Variants in MIB1 observed in about 807,000 individuals in gnomAD.
The protein encoded by MIB1 is MIB E3 ubiquitin protein ligase 1.
A neutral mutation model predicts 124.5 loss-of-function variants in MIB1; 278 were observed. The ratio of observed to expected loss-of-function variants is 2.23; its 90% CI spans 2.02 to 2.47. The LOEUF (loss-of-function observed/expected upper bound fraction) is 2.47. Ranked by LOEUF, MIB1 falls within the 30% of genes most tolerant of loss-of-function variation. The pLI is 0.00. For synonymous variants in MIB1, 446 were observed against 429.4 expected (o/e 1.04, Z -0.48); for missense variants, 957 against 1,254.4 (o/e 0.76, Z 3.58).
intron 11 of MIB1, among the ~76,000 whole-genome samples, 184 bp from the exon 12 acceptor site, chr18:21,819,311 T>C (rs1020714835): frequency 1.3e-5 from 2 of 152,252 alleles, no homozygotes; most frequent in Admixed American, 1.3e-4. Flanking sequence ...AGTGCTAGGG[T>C]TACAGACATG....
Position 21,741,398 on chromosome 18 carries a change from G to T in MIB1, c.-186G>T. On this transcript the variant is annotated 5_prime_UTR_variant, in exon 1 of 21. Coordinates refer to ENST00000261537, the MANE Select transcript of MIB1 (RefSeq NM_020774.4). The surrounding 1 kb of genome is among the most constrained non-coding windows in gnomAD (Gnocchi z 5.4). The stretch of plus-strand genomic sequence containing the variant: ...GCGGGGGGCGCGGCGGCGACAGCTG[G>T]GCAGCGGCTTTGGGCTCCGCGGGGA... The T allele has an allele frequency of 4.0e-6, 1 of 249,634 alleles. No individual in the cohort carries two copies. Among genetic ancestry groups the T allele is most frequent in the Non-Finnish European group, 7.4e-6 (1 of 135,926 alleles). 15.5% of individuals were successfully genotyped at this position (249,634 alleles called of 1,614,324 possible).
intron 3 of MIB1, among the ~76,000 whole-genome samples, chr18:21,772,707 C>T (rs140783056): frequency 2.0e-5 from 3 of 152,004 alleles, no homozygotes; most frequent in Non-Finnish European, 4.4e-5. Context: ...CCAGTGAATT[C>T]AAGAATCAGA....
intron 6 of MIB1, among the ~76,000 whole-genome samples, chr18:21,784,038 C>T (rs902469566): frequency 1.3e-5 from 2 of 151,078 alleles, no homozygotes; most frequent in African/African-American, 4.9e-5. Flanking sequence ...CCACTGCACC[C>T]AGCCTGTGTT....
intron 9 of MIB1, among the ~76,000 whole-genome samples, chr18:21,800,547 A>G (rs532823933): frequency 6.6e-6 from 1 of 152,124 alleles, no homozygotes; most frequent in Non-Finnish European, 1.5e-5. Context: ...GGCAGTTTTG[A>G]TTCTAGTCAT....
At chr18:21,710,827 A>ATTT (rs34702356) in intron 1 of MIB1, among the ~76,000 whole-genome samples, 76 of 117,008 alleles carry the variant, frequency 6.5e-4, no homozygotes, top group African/African-American at 9.8e-4. Context: ...TAATTGACTG[A>ATTT]TTTTTTTTTT....
chr18:21,870,234 T>G lies in MIB1; in HGVS notation c.*5568T>G, dbSNP rs1036666771. On this transcript the variant is annotated 3_prime_UTR_variant, in exon 21 of 21. Transcript: ENST00000261537. ...TATAGTAGTATACATGAATTTTGAT[T>G]TTTAAAGCATTTAAAAACAAATCTC... The G allele has an allele frequency of 6.6e-6, 1 of 152,520 alleles. No homozygotes were observed. Among genetic ancestry groups the G allele is most frequent in the Non-Finnish European group, 1.5e-5 (1 of 67,984 alleles). The allele number at this position is 152,520 out of a possible 1,614,324, so 9.4% of individuals were successfully genotyped here. A position where few individuals can be genotyped will look rare whatever the true frequency, so the allele number is the denominator to read the frequency against.
chr18:21,844,215 G>A lies in MIB1; in HGVS notation c.2173G>A (p.Gly725Arg). ...TCAGCTCCAAGATATGCAAGATGTG[G>A]GGAAGGTGGATGCTGCCTGGGAGCC... ...LRQLQDMQDVGKVDAAWEPSK... is the reference protein window; with the variant it reads ...LRQLQDMQDVRKVDAAWEPSK... Residue 725 changes from glycine to arginine, a missense_variant, in exon 15 of 21, where the codon GGG (glycine) becomes AGG (arginine). By Grantham distance (125) the Gly-to-Arg change is moderately radical (BLOSUM62 -2). Transcript: ENST00000261537. The A allele has an allele frequency of 6.2e-7, 1 of 1,614,142 alleles. No individual in the cohort carries two copies. Among genetic ancestry groups the A allele is most frequent in the Non-Finnish European group, 8.5e-7 (1 of 1,180,024 alleles).
intron 12 of MIB1, among the ~76,000 whole-genome samples, chr18:21,837,026 GTTTGTAGACTCACCCAAAAT>G (rs1342960132): frequency 6.6e-6 from 1 of 152,168 alleles, no homozygotes; most frequent in Non-Finnish European, 1.5e-5. Flanking sequence ...GGATTTAGGA[GTTTGTAGACTCACCCAAAAT>G]TGTATTAATA....
intron 17 of MIB1, among the ~76,000 whole-genome samples, chr18:21,850,563 T>C (rs775754769): frequency 1.3e-5 from 2 of 152,296 alleles, no homozygotes; most frequent in South Asian, 4.1e-4. Flanking sequence ...AATTAATGTA[T>C]CTTTCGTAGA....
At chr18:21,730,968 C>G (rs984871701) in intron 1 of MIB1, among the ~76,000 whole-genome samples, 9 of 152,144 alleles carry the variant, frequency 5.9e-5, no homozygotes, top group Non-Finnish European at 7.4e-5. Context: ...AATGGGCTTT[C>G]ATGTATGTGG....
intron 1 of MIB1, among the ~76,000 whole-genome samples, chr18:21,711,242 A>G (rs1287896076): frequency 1.3e-5 from 2 of 152,164 alleles, no homozygotes; most frequent in Non-Finnish European, 2.9e-5. Context: ...TTTCTAAGAA[A>G]GAAAGATTTT....
intron 12 of MIB1, among the ~76,000 whole-genome samples, chr18:21,829,890 A>G (rs2041962899): frequency 6.6e-6 from 1 of 152,174 alleles, no homozygotes; most frequent in Non-Finnish European, 1.5e-5. Flanking sequence ...TATCACTTCA[A>G]AGAACTGAAA....
At chr18:21,744,470 C>T (rs1024008570) in intron 1 of MIB1, among the ~76,000 whole-genome samples, 7 of 152,082 alleles carry the variant, frequency 4.6e-5, no homozygotes, top group African/African-American at 1.7e-4. Context: ...ACTGTATTAA[C>T]TAATCTATAC....
At chr18:21,714,284 A>G (rs2040678938) in intron 1 of MIB1, among the ~76,000 whole-genome samples, 1 of 152,064 alleles carries the variant, frequency 6.6e-6, no homozygotes. Flanking sequence ...TGGGAGTTTC[A>G]TTGCAAATGT....
chr18:21,817,102 C>T (rs2041836426), intron 11 of MIB1, among the ~76,000 whole-genome samples: 1 of 147,192 alleles, frequency 6.8e-6, no homozygotes, highest in Admixed American at 6.8e-5. Context: ...CCGCCAGATA[C>T]AGGAGTAGAA....
At chr18:21,746,157 T>A (rs1470620842) in intron 1 of MIB1, among the ~76,000 whole-genome samples, 1 of 152,212 alleles carries the variant, frequency 6.6e-6, no homozygotes, top group East Asian at 1.9e-4. Flanking sequence ...TATTGCAGTA[T>A]GATTGGGAAT....
chr18:21,819,566 G>A lies in MIB1; in HGVS notation c.1749G>A (p.Leu583=), dbSNP rs756060718. 1 of 1,611,564 alleles carries A rather than the reference G, an allele frequency of 6.2e-7. No individual in the cohort carries two copies. Among genetic ancestry groups the A allele is most frequent in the Non-Finnish European group, 8.5e-7 (1 of 1,178,080 alleles). ...GTGATGATATCCTAGCAGTTCTTTT[G>A]GAAGCTGGAGCAGATGTTACCATCA... ...KKRDDILAVL[L]EAGADVTITN... The change falls in exon 12 of 21, where the codon TTG becomes TTA. Residue 583 remains leucine, a synonymous_variant. Coordinates refer to ENST00000261537, the MANE Select transcript of MIB1 (RefSeq NM_020774.4).
chr18:21,744,193 T>G, intron 1 of MIB1, among the ~76,000 whole-genome samples: 1 of 151,672 alleles, frequency 6.6e-6, no homozygotes, highest in African/African-American at 2.4e-5. Context: ...AGTGTTTTCC[T>G]TTTTCTTCAA....
At chr18:21,775,196 C>T (rs1476315152) in intron 4 of MIB1, among the ~76,000 whole-genome samples, 2 of 151,998 alleles carry the variant, frequency 1.3e-5, no homozygotes, top group African/African-American at 2.4e-5. Context: ...CCACCTGCCT[C>T]GGCCTCCCAA....
Sources: gnomAD v4.1 joint callset for allele counts (sites outside exome capture counted in the v4.1 genomes callset) on GRCh38, gnomAD v4.1.1 for gene constraint, Gnocchi (gnomAD v3.1) non-coding constraint, MANE v1.5 for transcripts, NCBI Gene and HGNC (gene_info 2026-07-23, HGNC 2026-07-21) for gene names.